RCVRN: variants seen among roughly 807,000 people sequenced by gnomAD.
RCVRN encodes recoverin, also known as cancer associated retinopathy antigen.
A neutral mutation model predicts 20.4 loss-of-function variants in RCVRN; 23 were observed. The ratio of observed to expected loss-of-function variants is 1.13; its 90% CI spans 0.81 to 1.60. The LOEUF (loss-of-function observed/expected upper bound fraction) is 1.60. Ranked by LOEUF, RCVRN falls within the 40% of genes most tolerant of loss-of-function variation. The pLI is 0.00. For synonymous variants in RCVRN, 105 were observed against 105.9 expected (o/e 0.99, Z 0.05); for missense variants, 254 against 254.2 (o/e 1.00, Z 0.00).
chr17:9,901,799 T>C (rs1364937411), intron 1 of RCVRN, among the ~76,000 whole-genome samples: 2 of 152,142 alleles, frequency 1.3e-5, no homozygotes, highest in African/African-American at 4.8e-5. Context: ...ACTGCAAAAA[T>C]AATCAAATCC....
Position 9,898,050 on chromosome 17 carries a change from G to T in RCVRN, c.*45C>A. On this transcript the variant is annotated 3_prime_UTR_variant, in exon 3 of 3. Transcript: ENST00000226193. ...TGTGTGTGCACAGGCGCTCACGGGT[G>T]TCATGTGAGTGGTAGGTGGAGGGAG... The T allele has an allele frequency of 2.3e-6, 3 of 1,280,212 alleles. No homozygotes were observed. The highest frequency in any genetic ancestry group is 3.4e-6 in the Non-Finnish European group (3 of 875,408). 79.3% of individuals were successfully genotyped at this position (1,280,212 alleles called of 1,614,324 possible). A position where few individuals can be genotyped will look rare whatever the true frequency, so the allele number is the denominator to read the frequency against.
At chr17:9,900,332 C>T (rs1004608471) in intron 2 of RCVRN, among the ~76,000 whole-genome samples, 2 of 152,184 alleles carry the variant, frequency 1.3e-5, no homozygotes, top group Non-Finnish European at 2.9e-5. Context: ...AGTGCAGGAT[C>T]ACACTTCCTG....
chr17:9,903,001 A>G (rs1055140911), intron 1 of RCVRN, among the ~76,000 whole-genome samples: 1 of 152,198 alleles, frequency 6.6e-6, no homozygotes, highest in Non-Finnish European at 1.5e-5. Flanking sequence ...AGAAAAAAAA[A>G]AAGTGTTTTG....
At position 9,904,330 on chromosome 17, in the gene RCVRN, G is replaced by A. The variant is rs2067353745; in HGVS notation, c.381+470C>T. ...AGTGGAGCTTGCAGGACTGGGAGTT[G>A]CTCTGGGTGAGTCAGTGAGTGAGTA... is the stretch of plus-strand genomic sequence containing the variant. On this transcript the variant is annotated intron_variant, in intron 1 of 2. Transcript: ENST00000226193. The surrounding 1 kb of genome is among the most constrained non-coding windows in gnomAD (Gnocchi z 5.8). Among the ~76,000 whole-genome samples, 1 of 152,218 alleles carries A rather than the reference G, an allele frequency of 6.6e-6. No individual in the cohort carries two copies. The highest frequency in any genetic ancestry group is 1.5e-5 in the Non-Finnish European group (1 of 68,034).
rs60287230 is a variant in RCVRN, at chr17:9,897,640, C to A, written c.*455G>T. ...GCCTAGGGCTGCCATCGCAACACAGCCTTGTCTTTGAGGTGTGACTGATAG... is the reference window on the plus strand; with the variant it reads ...GCCTAGGGCTGCCATCGCAACACAGACTTGTCTTTGAGGTGTGACTGATAG... On this transcript the variant is annotated 3_prime_UTR_variant, in exon 3 of 3. Transcript: ENST00000226193. 0.01 allele frequency: 1,666 copies of A among 163,614 alleles called. 31 individuals are homozygous for A. Among genetic ancestry groups the A allele is most frequent in the African/African-American group, 0.037 (1,563 of 41,772 alleles). The allele number at this position is 163,614 out of a possible 1,614,324, so 10.1% of individuals were successfully genotyped here.
chr17:9,900,153 C>A (rs916508267), intron 2 of RCVRN, among the ~76,000 whole-genome samples: 3 of 152,184 alleles, frequency 2.0e-5, no homozygotes, highest in African/African-American at 7.2e-5. Flanking sequence ...ATCCCCACTG[C>A]TTGTAGATGA....
At chr17:9,902,475 T>C (rs941298401) in intron 1 of RCVRN, among the ~76,000 whole-genome samples, 2 of 152,172 alleles carry the variant, frequency 1.3e-5, no homozygotes, top group Non-Finnish European at 1.5e-5. Context: ...GCACACAAAG[T>C]TATTAACATC....
intron 2 of RCVRN, among the ~76,000 whole-genome samples, chr17:9,898,769 C>T (rs1202669637): frequency 1.3e-5 from 2 of 152,158 alleles, no homozygotes; most frequent in East Asian, 3.9e-4. Context: ...TTGGCACCTG[C>T]AGCACACAGG....
At chr17:9,903,725 C>A (rs558026273) in intron 1 of RCVRN, among the ~76,000 whole-genome samples, 5 of 152,174 alleles carry the variant, frequency 3.3e-5, no homozygotes, top group Non-Finnish European at 5.9e-5. Context: ...CATCTTAAGG[C>A]AACTTCTATG....
intron 1 of RCVRN, among the ~76,000 whole-genome samples, chr17:9,902,600 G>T (rs1002200003): frequency 6.6e-6 from 1 of 151,760 alleles, no homozygotes; most frequent in Non-Finnish European, 1.5e-5. Flanking sequence ...AATTAGAACT[G>T]GTATAATAGG....
chr17:9,898,317 T>C (rs913159181), intron 2 of RCVRN, 113 bp from the exon 3 acceptor site: 5 of 714,832 alleles, frequency 7.0e-6, no homozygotes, highest in Non-Finnish European at 1.3e-5. Context: ...GTATCTATTA[T>C]AAGAATATTG....
chr17:9,900,969 A>G lies in RCVRN; in HGVS notation c.493+20T>C. 2 of 1,443,808 alleles carry G rather than the reference A, an allele frequency of 1.4e-6. No individual in the cohort carries two copies. Among genetic ancestry groups the G allele is most frequent in the Non-Finnish European group, 9.7e-7 (1 of 1,033,640 alleles). 89.4% of individuals were successfully genotyped at this position (1,443,808 alleles called of 1,614,324 possible). ...GCCCATGGTTGAAAAATCAAAGGCA[A>G]TGAAGGAAAAGGAATTCACCATCAT... On this transcript the variant is annotated intron_variant, in intron 2 of 2. Transcript: ENST00000226193.
chr17:9,900,732 G>A (rs1278744068), intron 2 of RCVRN, among the ~76,000 whole-genome samples: 1 of 152,028 alleles, frequency 6.6e-6, no homozygotes, highest in Non-Finnish European at 1.5e-5. Context: ...ACTGACTTGG[G>A]ACTCGATATT....
chr17:9,902,566 A>G (rs373799093), intron 1 of RCVRN, among the ~76,000 whole-genome samples: 2 of 150,320 alleles, frequency 1.3e-5, no homozygotes, highest in Non-Finnish European at 1.5e-5. Flanking sequence ...AAAAGAATAA[A>G]TTAAAAAAAA....
At chr17:9,903,094 T>C (rs1468183871) in intron 1 of RCVRN, among the ~76,000 whole-genome samples, 1 of 152,204 alleles carries the variant, frequency 6.6e-6, no homozygotes, top group Non-Finnish European at 1.5e-5. Flanking sequence ...TGTGAATATG[T>C]CATAGCTTTA....
At position 9,897,150 on chromosome 17, in the gene RCVRN, T is replaced by C. The variant is rs531960850; in HGVS notation, c.*945A>G. The C allele has an allele frequency of 5.2e-5, 8 of 152,424 alleles. No individual in the cohort carries two copies. The East Asian group carries it at 1.6e-3, about 30-fold the overall frequency. The allele number at this position is 152,424 out of a possible 1,614,324, so 9.4% of individuals were successfully genotyped here. A position where few individuals can be genotyped will look rare whatever the true frequency, so the allele number is the denominator to read the frequency against. The stretch of plus-strand genomic sequence containing the variant: ...ACCCCTCCTACTTCCAACTCCACAG[T>C]GGCACCGCTGTCCCCATGGTGAGCC... On this transcript the variant is annotated 3_prime_UTR_variant, in exon 3 of 3. Coordinates refer to ENST00000226193, the MANE Select transcript of RCVRN (RefSeq NM_002903.3).
chr17:9,899,643 T>C lies in RCVRN; in HGVS notation c.493+1346A>G, dbSNP rs73259137. On this transcript the variant is annotated intron_variant, in intron 2 of 2. Transcript: ENST00000226193. This position sits in a 1 kb window ranked among gnomAD's most constrained non-coding sequence, Gnocchi z 4.6. ...CAGTGTCTGTGCAAGGAGGAGAGAGTGCTCAAAGGTGAGGGGCCAATCCGG... is the reference window on the plus strand; with the variant it reads ...CAGTGTCTGTGCAAGGAGGAGAGAGCGCTCAAAGGTGAGGGGCCAATCCGG... 0.017 allele frequency among the ~76,000 whole-genome samples: 2,522 copies of C among 151,884 alleles called. 63 individuals carry two copies. Among genetic ancestry groups the C allele is most frequent in the African/African-American group, 0.054 (2,235 of 41,406 alleles).
chr17:9,897,270 T>C lies in RCVRN; in HGVS notation c.*825A>G. The C allele has an allele frequency of 6.6e-6, 1 of 152,274 alleles. No homozygotes were observed. The allele number at this position is 152,274 out of a possible 1,614,324, so 9.4% of individuals were successfully genotyped here. A position where few individuals can be genotyped will look rare whatever the true frequency, so the allele number is the denominator to read the frequency against. Reference sequence around the variant, plus strand: ...GCTCACACTTTGCTCTCCCTCCTCCTTCTACCCTCCAGCCACCCCGACCTT... The same window carrying C: ...GCTCACACTTTGCTCTCCCTCCTCCCTCTACCCTCCAGCCACCCCGACCTT... On this transcript the variant is annotated 3_prime_UTR_variant, in exon 3 of 3. Coordinates refer to ENST00000226193, the MANE Select transcript of RCVRN (RefSeq NM_002903.3).
In RCVRN at chr17:9,898,039, C is replaced by T. The variant is rs577333201; in HGVS notation, c.*56G>A. 22 of 1,106,824 alleles carry T rather than the reference C, an allele frequency of 2.0e-5. No homozygotes were observed. The highest frequency in any genetic ancestry group is 5.0e-5 in the South Asian group (4 of 80,630). The allele number at this position is 1,106,824 out of a possible 1,614,324, so 68.6% of individuals were successfully genotyped here. ...GTGCATGTGTGTGTGTGTGCACAGG[C>T]GCTCACGGGTGTCATGTGAGTGGTA... On this transcript the variant is annotated 3_prime_UTR_variant, in exon 3 of 3. Coordinates refer to ENST00000226193, the MANE Select transcript of RCVRN (RefSeq NM_002903.3).
Sources: allele counts gnomAD v4.1 joint callset (sites outside exome capture counted in the v4.1 genomes callset), GRCh38; gene constraint gnomAD v4.1.1; non-coding constraint Gnocchi (gnomAD v3.1); transcripts MANE v1.5; gene names NCBI Gene and HGNC (gene_info 2026-07-23, HGNC 2026-07-21).